Variants in TANC1 observed in about 807,000 individuals in gnomAD.
TANC1 encodes the protein tetratricopeptide repeat, ankyrin repeat and coiled-coil containing 1.
A neutral mutation model predicts 149.7 loss-of-function variants in TANC1; 77 were observed. The observed-to-expected ratio is 0.51, with a 90% CI of 0.43 to 0.62. The LOEUF is 0.62. Among genes scored for constraint, TANC1 ranks in the 20% least tolerant of loss-of-function variants. The pLI, the probability that TANC1 is intolerant of heterozygous loss-of-function variation, is 0.00. For missense variants in TANC1, 1,985 were observed against 2,321.8 expected (o/e 0.85, Z 2.98); for synonymous variants, 854 against 925.0 (o/e 0.92, Z 1.39).
At chr2:158,990,888 C>G (rs1376076333) in intron 1 of TANC1, among the ~76,000 whole-genome samples, 1 of 151,834 alleles carries the variant, frequency 6.6e-6, no homozygotes, top group Non-Finnish European at 1.5e-5. Context: ...GCCTGGGCAA[C>G]ATGGCAAACC....
Position 159,136,212 on chromosome 2 carries a change from A to T in TANC1, c.278A>T (p.Lys93Met). 6.2e-7 allele frequency: 1 copy of T among 1,611,604 alleles called. No individual in the cohort carries two copies. The highest frequency in any genetic ancestry group is 8.5e-7 in the Non-Finnish European group (1 of 1,177,696). ...ACTACAGGTCCCGTCAGGAAGCCCA[A>T]GTATGTGGAAAGCCCCAGAGTGCCT... ...KKSPGPVRKP[K>M]YVESPRVPGD... The change falls in exon 5 of 27, where the codon AAG becomes ATG. Residue 93 changes from lysine (K) to methionine (M), a missense_variant. Physicochemically the swap from Lys to Met is moderately conservative, Grantham distance 95 (BLOSUM62 -1). This residue lies in a region of TANC1 where 557 missense variants were observed against 612.9 expected (regional missense o/e 0.91). Coordinates refer to ENST00000263635, the MANE Select transcript of TANC1 (RefSeq NM_033394.3).
At chr2:159,226,365 T>C (rs13422924) in intron 24 of TANC1, 13,208 of 156,832 alleles carry the variant, frequency 0.084, 1,199 homozygotes, top group East Asian at 0.23. Flanking sequence ...GAGTCACCTC[T>C]AGGTCAACTG....
At chr2:158,993,569 A>G (rs1001547748) in intron 1 of TANC1, among the ~76,000 whole-genome samples, 1 of 152,032 alleles carries the variant, frequency 6.6e-6, no homozygotes, top group African/African-American at 2.4e-5. Flanking sequence ...GGAATGGGAA[A>G]TCCTCTGTTC....
At chr2:159,200,435 G>A (rs1189897451) in intron 19 of TANC1, among the ~76,000 whole-genome samples, 2 of 152,324 alleles carry the variant, frequency 1.3e-5, no homozygotes, top group African/African-American at 2.4e-5. Context: ...CCATGAAGAC[G>A]ATGGACATCA....
At chr2:159,225,663 C>T in intron 23 of TANC1, 25 bp from the exon 24 acceptor site, 24 of 1,602,870 alleles carry the variant, frequency 1.5e-5, no homozygotes, top group Non-Finnish European at 2.0e-5. Flanking sequence ...TCTGAAGTGC[C>T]TCTGAATGCG....
intron 2 of TANC1, among the ~76,000 whole-genome samples, chr2:159,059,646 C>T (rs923431270): frequency 9.2e-5 from 14 of 152,088 alleles, no homozygotes; most frequent in Non-Finnish European, 1.5e-4. Flanking sequence ...GGAGAAGTTC[C>T]GTTAGTTGTT....
chr2:159,049,060 G>A (rs2041279412), intron 2 of TANC1, among the ~76,000 whole-genome samples: 1 of 152,162 alleles, frequency 6.6e-6, no homozygotes, highest in African/African-American at 2.4e-5. Flanking sequence ...GCCCTGTTCT[G>A]AAAAGGAAAT....
At chr2:159,202,916 C>T (rs963517312) in intron 19 of TANC1, among the ~76,000 whole-genome samples, 1 of 152,104 alleles carries the variant, frequency 6.6e-6, no homozygotes, top group Non-Finnish European at 1.5e-5. Flanking sequence ...CAGCCCAAGC[C>T]GAAATGACCA....
intron 4 of TANC1, among the ~76,000 whole-genome samples, chr2:159,131,693 G>A (rs1239466076): frequency 2.0e-5 from 3 of 152,298 alleles, no homozygotes; most frequent in East Asian, 1.9e-4. Context: ...TTGAGAGGGA[G>A]TGGAGGCAAA....
intron 2 of TANC1, among the ~76,000 whole-genome samples, chr2:159,042,726 CAG>C (rs1357579593): frequency 1.3e-5 from 2 of 151,764 alleles, no homozygotes; most frequent in Admixed American, 1.3e-4. Context: ...GACTAATTTC[CAG>C]AGAGAGAGGG....
intron 2 of TANC1, among the ~76,000 whole-genome samples, chr2:159,061,249 G>A (rs1246546816): frequency 6.6e-6 from 1 of 152,132 alleles, no homozygotes; most frequent in East Asian, 1.9e-4. Flanking sequence ...AAAGAGGCTG[G>A]TCTTTCCTTT....
At chr2:159,217,437 T>C in intron 19 of TANC1, 60 bp from the exon 20 acceptor site, 1 of 1,603,876 alleles carries the variant, frequency 6.2e-7, no homozygotes, top group Non-Finnish European at 8.5e-7. Flanking sequence ...TTAAAGAATT[T>C]CTGGCTATCT....
At chr2:159,003,997 T>C (rs2036888133) in intron 2 of TANC1, 1 of 1,612,408 alleles carries the variant, frequency 6.2e-7, no homozygotes, top group South Asian at 1.1e-5. Flanking sequence ...GTGAATAATA[T>C]AGCTGGTATT....
At chr2:159,179,229 A>T (rs1224947811) in intron 14 of TANC1, 66 bp downstream of exon 14, 19 of 1,538,708 alleles carry the variant, frequency 1.2e-5, no homozygotes, top group Non-Finnish European at 1.6e-5. Flanking sequence ...AAAGGATTTA[A>T]ATGTGATGCA....
chr2:159,224,415 G>A (rs1559491514), intron 23 of TANC1, 51 bp downstream of exon 23: 1 of 1,610,526 alleles, frequency 6.2e-7, no homozygotes, highest in Non-Finnish European at 8.5e-7. Flanking sequence ...GCTCCCGATT[G>A]TAGAAGCCTA....
At chr2:159,116,176 C>G (rs527621413) in intron 4 of TANC1, among the ~76,000 whole-genome samples, 1 of 152,180 alleles carries the variant, frequency 6.6e-6, no homozygotes, top group South Asian at 2.1e-4. Context: ...CTTGTAATCC[C>G]AGCACTTTGG....
intron 2 of TANC1, among the ~76,000 whole-genome samples, chr2:159,032,414 G>A (rs1307743669): frequency 6.6e-6 from 1 of 152,132 alleles, no homozygotes; most frequent in Admixed American, 6.6e-5. Context: ...TATCTCTCCT[G>A]GATATAGTGG....
intron 7 of TANC1, among the ~76,000 whole-genome samples, chr2:159,159,224 T>C (rs760004133): frequency 2.6e-5 from 4 of 152,014 alleles, no homozygotes; most frequent in Non-Finnish European, 4.4e-5. Flanking sequence ...GGTGGGTGGA[T>C]TGCTTGAGCT....
chr2:159,201,756 T>C (rs2150760411), intron 19 of TANC1, among the ~76,000 whole-genome samples: 1 of 152,364 alleles, frequency 6.6e-6, no homozygotes, highest in Admixed American at 6.5e-5. Context: ...TCATTATTTA[T>C]TTTGAAACCT....
Sources: allele counts gnomAD v4.1 joint callset (sites outside exome capture counted in the v4.1 genomes callset), GRCh38; gene constraint gnomAD v4.1.1; regional missense constraint gnomAD v4.1.1; transcripts MANE v1.5; gene names NCBI Gene and HGNC (gene_info 2026-07-23, HGNC 2026-07-21).